Variants in IGF1R observed in about 807,000 individuals in gnomAD.
IGF1R encodes the protein insulin-like growth factor 1 receptor.
A neutral mutation model predicts 144.6 loss-of-function variants in IGF1R; 44 were observed. The ratio of observed to expected loss-of-function variants is 0.30; its 90% CI spans 0.24 to 0.39. The LOEUF (loss-of-function observed/expected upper bound fraction) is 0.39, where lower values mean the gene tolerates loss of function less well. Ranked by LOEUF, IGF1R falls within the 10% of genes least tolerant of loss-of-function variation. The probability of loss-of-function intolerance (pLI) is 1.00; values close to 1 mark genes in which losing one functional copy is unlikely to be tolerated. For synonymous variants in IGF1R, 795 were observed against 722.8 expected (o/e 1.10, Z -1.60); for missense variants, 1,355 against 1,833.7 (o/e 0.74, Z 4.77).
intron 2 of IGF1R, among the ~76,000 whole-genome samples, chr15:98,708,913 A>G (rs903455357): frequency 5.3e-5 from 8 of 152,162 alleles, no homozygotes; most frequent in African/African-American, 9.7e-5. Flanking sequence ...AGCTTCTTGT[A>G]TATTTATCTG....
Position 98,871,382 on chromosome 15 carries a change from C to T in IGF1R, c.641-19943C>T, listed in dbSNP as rs191852498. On this transcript the variant is annotated intron_variant, in intron 2 of 20. Coordinates refer to ENST00000650285, the MANE Select transcript of IGF1R (RefSeq NM_000875.5). ...CCTCTCACTCACCTCCATCTCAGCC[C>T]AGTAATTAATAACAAGGGACTTGCT... Among the ~76,000 whole-genome samples, 5 of 152,338 alleles carry T rather than the reference C, an allele frequency of 3.3e-5. No homozygotes were observed. In the East Asian group the frequency reaches 5.8e-4, roughly 18 times the overall value.
At chr15:98,779,124 T>G (rs1488247547) in intron 2 of IGF1R, among the ~76,000 whole-genome samples, 1 of 152,228 alleles carries the variant, frequency 6.6e-6, no homozygotes, top group African/African-American at 2.4e-5. Flanking sequence ...ATCAATTCAG[T>G]GTTCAGTACA....
chr15:98,671,889 C>T (rs1326832510), intron 1 of IGF1R, among the ~76,000 whole-genome samples: 1 of 152,210 alleles, frequency 6.6e-6, no homozygotes, highest in African/African-American at 2.4e-5. Flanking sequence ...TGGACTATTT[C>T]AGTGGAATTC....
rs368703129 is a variant in IGF1R, at chr15:98,963,503, G to A, written c.*6061G>A. 1.8e-4 allele frequency: 42 copies of A among 233,308 alleles called. 1 individual carries two copies. In the South Asian group the frequency reaches 6.7e-3, roughly 37 times the overall value. 14.5% of individuals were successfully genotyped at this position (233,308 alleles called of 1,614,324 possible). On this transcript the variant is annotated 3_prime_UTR_variant, in exon 21 of 21. Transcript: ENST00000650285. Reference sequence around the variant, plus strand: ...AACCTCATTGGCCATGGAAACAGCCGAGGTGTTGGAGCCCAGCAGTGCATG... The same window carrying A: ...AACCTCATTGGCCATGGAAACAGCCAAGGTGTTGGAGCCCAGCAGTGCATG...
chr15:98,694,060 T>C (rs560813741), intron 1 of IGF1R, among the ~76,000 whole-genome samples: 1 of 152,360 alleles, frequency 6.6e-6, no homozygotes, highest in Non-Finnish European at 1.5e-5. Flanking sequence ...CATTTGGAAA[T>C]GTGTCCTTTA....
At chr15:98,790,187 C>T (rs1156345952) in intron 2 of IGF1R, among the ~76,000 whole-genome samples, 1 of 152,162 alleles carries the variant, frequency 6.6e-6, no homozygotes, top group African/African-American at 2.4e-5. Context: ...GCTTATCTGG[C>T]ATTTTGGGGT....
Position 98,962,982 on chromosome 15 carries a change from T to G in IGF1R, c.*5540T>G, listed in dbSNP as rs965459036. The G allele has an allele frequency of 4.3e-6, 1 of 233,728 alleles. No individual in the cohort carries two copies. Among genetic ancestry groups the G allele is most frequent in the Non-Finnish European group, 8.5e-6 (1 of 118,062 alleles). The allele number at this position is 233,728 out of a possible 1,614,324, so 14.5% of individuals were successfully genotyped here. On this transcript the variant is annotated 3_prime_UTR_variant, in exon 21 of 21. Coordinates refer to ENST00000650285, the MANE Select transcript of IGF1R (RefSeq NM_000875.5). ...CGTGTGTGTGTCCGCATCTTTCTGG[T>G]CAACATTGTTTTAACTAGTCACTCA...
chr15:98,845,273 T>C (rs1371329025), intron 2 of IGF1R, among the ~76,000 whole-genome samples: 2 of 152,198 alleles, frequency 1.3e-5, no homozygotes, highest in Middle Eastern at 3.2e-3. Context: ...CTGGATCAGA[T>C]AGGGCATGAT....
intron 3 of IGF1R, chr15:98,893,616 A>G (rs1205366674): frequency 6.6e-6 from 1 of 152,218 alleles, no homozygotes; most frequent in East Asian, 1.9e-4. Flanking sequence ...TAGCTTGTCC[A>G]TGAACTCAGT....
intron 2 of IGF1R, among the ~76,000 whole-genome samples, chr15:98,843,900 G>A (rs1453263472): frequency 6.6e-6 from 1 of 152,202 alleles, no homozygotes; most frequent in African/African-American, 2.4e-5. Context: ...ATCCTCACCA[G>A]CCGCTGAAAC....
At position 98,957,418 on chromosome 15, in the gene IGF1R, G is replaced by A. The variant is rs146862253; in HGVS notation, c.4080G>A (p.Pro1360=). ...GCCGCAAGAACGAGCGGGCCTTGCC[G>A]CTGCCCCAGTCTTCGACCTGCTGAT... ...NGGRKNERAL[P]LPQSSTC The change falls in exon 21 of 21, where the codon CCG becomes CCA. Residue 1360 remains proline, a synonymous_variant. Transcript: ENST00000650285. 257 of 1,613,150 alleles carry A rather than the reference G, an allele frequency of 1.6e-4. No homozygotes were observed. Among genetic ancestry groups the A allele is most frequent in the South Asian group, 7.2e-4 (66 of 91,080 alleles).
chr15:98,901,842 AGGGT>A (rs1378081091), intron 5 of IGF1R, among the ~76,000 whole-genome samples: 1 of 152,186 alleles, frequency 6.6e-6, no homozygotes. Context: ...AATTCAAGGT[AGGGT>A]GGCAGGAGCA....
intron 8 of IGF1R, among the ~76,000 whole-genome samples, chr15:98,915,646 G>T (rs969344416): frequency 6.6e-6 from 1 of 152,178 alleles, no homozygotes; most frequent in Non-Finnish European, 1.5e-5. Context: ...AGAAATACCA[G>T]GTGTTTGAAT....
chr15:98,786,241 C>T (rs1054655902), intron 2 of IGF1R, among the ~76,000 whole-genome samples: 5 of 152,212 alleles, frequency 3.3e-5, no homozygotes, highest in African/African-American at 9.6e-5. Flanking sequence ...GAAGCCAGGA[C>T]ACTTAGAACA....
Position 98,908,838 on chromosome 15 carries a change from G to T in IGF1R, c.1401G>T (p.Gly467=). 4.3e-6 allele frequency: 7 copies of T among 1,614,172 alleles called. No homozygotes were observed. Among genetic ancestry groups the T allele is most frequent in the Non-Finnish European group, 5.9e-6 (7 of 1,180,020 alleles). ...SEIYRMEEVT[G]TKGRQSKGDI... is the part of the protein sequence containing the mutation. ...TTTACCGCATGGAGGAAGTGACGGG[G>T]ACTAAAGGGCGCCAAAGCAAAGGGG... Residue 467 remains glycine (G), a synonymous_variant, in exon 6 of 21, where the codon GGG becomes GGT. Transcript: ENST00000650285.
At position 98,964,154 on chromosome 15, in the gene IGF1R, G is replaced by A. The variant is rs376938198; in HGVS notation, c.*6712G>A. The A allele has an allele frequency of 3.9e-5, 9 of 232,832 alleles. No homozygotes were observed. The highest frequency in any genetic ancestry group is 3.6e-4 in the South Asian group (2 of 5,506). The allele number at this position is 232,832 out of a possible 1,614,324, so 14.4% of individuals were successfully genotyped here. ...GATAAAAAAAATCAAACCAGAAGGC[G>A]GGATGGAATGGATGCACCGCAAATA... On this transcript the variant is annotated 3_prime_UTR_variant, in exon 21 of 21. Transcript: ENST00000650285.
intron 1 of IGF1R, among the ~76,000 whole-genome samples, chr15:98,675,742 C>T (rs886473624): frequency 2.6e-5 from 4 of 151,112 alleles, no homozygotes; most frequent in East Asian, 3.9e-4. Context: ...CTCCTGTTGA[C>T]GATTTAGTTT....
At chr15:98,862,851 G>C (rs1045037225) in intron 2 of IGF1R, among the ~76,000 whole-genome samples, 1 of 152,138 alleles carries the variant, frequency 6.6e-6, no homozygotes, top group Non-Finnish European at 1.5e-5. Flanking sequence ...AGGTTACAAA[G>C]AGTACCAGGA....
intron 2 of IGF1R, among the ~76,000 whole-genome samples, chr15:98,717,743 T>G (rs1400070237): frequency 6.6e-6 from 1 of 152,220 alleles, no homozygotes; most frequent in African/African-American, 2.4e-5. Context: ...ATACTGACAT[T>G]AAATCATTAA....
Sources: allele counts gnomAD v4.1 joint callset (sites outside exome capture counted in the v4.1 genomes callset), GRCh38; gene constraint gnomAD v4.1.1; transcripts MANE v1.5; gene names NCBI Gene and HGNC (gene_info 2026-07-23, HGNC 2026-07-21).